Variants in TPRX1 observed in about 807,000 individuals in gnomAD.
TPRX1 encodes tetrapeptide repeat homeobox 1.
Under a neutral mutation model 8.1 loss-of-function variants are expected in TPRX1, and 2 were observed. The ratio of observed to expected loss-of-function variants is 0.25; its 90% CI spans 0.10 to 0.78. The LOEUF (loss-of-function observed/expected upper bound fraction) is 0.78, where lower values mean the gene tolerates loss of function less well. Ranked by LOEUF, TPRX1 falls within the 30% of genes least tolerant of loss-of-function variation. The probability of loss-of-function intolerance (pLI) is 0.70; values close to 1 mark genes in which losing one functional copy is unlikely to be tolerated. For missense variants in TPRX1, 517 were observed against 586.9 expected, an observed-to-expected ratio of 0.88 and a Z score of 1.23; for synonymous variants, 257 against 254.1, an observed-to-expected ratio of 1.01 and a Z score of -0.11.
In TPRX1 at chr19:47,818,493, G is replaced by A. The variant is rs556486050; in HGVS notation, c.126C>T (p.Tyr42=). The A allele has an allele frequency of 1.2e-4, 55 of 456,076 alleles. No homozygotes were observed. In the East Asian group the frequency reaches 2.6e-3, roughly 22 times the overall value. 28.3% of individuals were successfully genotyped at this position (456,076 alleles called of 1,614,324 possible). ...TGCTGTGTGTCTGGGACAGTCCTAG[G>A]TACTGGGAATACAGCTGAGAACAAG... Residue 42 remains tyrosine (Y), a synonymous_variant, in exon 2 of 4, where the codon TAC becomes TAT. Coordinates refer to ENST00000535759, the Ensembl canonical transcript of TPRX1.
At chr19:47,818,840 C>T (rs1373204878) in intron 1 of TPRX1, 1 of 298,732 alleles carries the variant, frequency 3.3e-6, no homozygotes, top group Non-Finnish European at 6.7e-6. Context: ...GTTTGCTGCA[C>T]CCATTAACTC....
chr19:47,815,015 C>G, intron 2 of TPRX1, among the ~76,000 whole-genome samples: 1 of 148,886 alleles, frequency 6.7e-6, no homozygotes, highest in Admixed American at 6.8e-5. Flanking sequence ...GCCAGGCTGG[C>G]CTTGAACTCC....
intron 2 of TPRX1, among the ~76,000 whole-genome samples, chr19:47,817,810 C>A (rs923117032): frequency 6.6e-6 from 1 of 152,178 alleles, no homozygotes; most frequent in Non-Finnish European, 1.5e-5. Flanking sequence ...AGGATTTAAA[C>A]CCAAACTCAT....
intron 2 of TPRX1, among the ~76,000 whole-genome samples, chr19:47,808,597 C>T (rs1361640626): frequency 7.2e-6 from 1 of 139,648 alleles, no homozygotes; most frequent in African/African-American, 2.5e-5. Context: ...CCACATCTGG[C>T]TAATTTTTAA....
Position 47,814,319 on chromosome 19 carries a change from T to A in TPRX1, c.151+4149A>T, listed in dbSNP as rs1174687175. Among the ~76,000 whole-genome samples, 3 of 152,190 alleles carry A rather than the reference T, an allele frequency of 2.0e-5. No individual in the cohort carries two copies. The East Asian group carries it at 5.8e-4, about 30-fold the overall frequency. On this transcript the variant is annotated intron_variant, in intron 2 of 3. Coordinates refer to ENST00000535759, the Ensembl canonical transcript of TPRX1. ...ATCTGTTCACCTCGACCTCCCAAAG[T>A]GTTGGGATTACAGGTGTGAGCCACA...
chr19:47,804,482 G>C (rs1967715672), intron 2 of TPRX1, among the ~76,000 whole-genome samples, 33 bp downstream of exon 1: 1 of 152,218 alleles, frequency 6.6e-6, no homozygotes, highest in South Asian at 2.1e-4. Flanking sequence ...CACAGGATCA[G>C]CCCAGACCCC....
At chr19:47,818,045 C>G (rs1291859843) in intron 2 of TPRX1, among the ~76,000 whole-genome samples, 3 of 152,192 alleles carry the variant, frequency 2.0e-5, no homozygotes, top group Non-Finnish European at 4.4e-5. Context: ...CAATATGATC[C>G]CTGAAGCATC....
At chr19:47,818,267 CCAT>C in intron 2 of TPRX1, among the ~76,000 whole-genome samples, 2 of 137,406 alleles carry the variant, frequency 1.5e-5, no homozygotes, top group Admixed American at 6.9e-5. Context: ...ATCCATCCAT[CCAT>C]CCATCCATCA....
At chr19:47,816,736 G>A (rs191247696) in intron 2 of TPRX1, among the ~76,000 whole-genome samples, 5 of 151,982 alleles carry the variant, frequency 3.3e-5, no homozygotes, top group East Asian at 3.9e-4. Context: ...GTTTCACCAT[G>A]TTAGCCAGGA....
rs1555799992 is a variant in TPRX1, at chr19:47,815,119, T to TATATATATATATATATGCAA, written c.151+3348_151+3349insTTGCATATATATATATATAT. ...TAGCTCAATAAATAGATAAATTATA[T>TATATATATATATATATGCAA]ATATATATATATATATATATATATG... On this transcript the variant is annotated intron_variant, in intron 2 of 3. Transcript: ENST00000535759. Among the ~76,000 whole-genome samples the TATATATATATATATATGCAA allele has an allele frequency of 1.9e-3, 148 of 78,016 alleles. 1 individual carries two copies. The highest frequency in any genetic ancestry group is 7.3e-3 in the African/African-American group (136 of 18,510). 51.2% of individuals were successfully genotyped at this position (78,016 alleles called of 152,430 possible). A position where few individuals can be genotyped will look rare whatever the true frequency, so the allele number is the denominator to read the frequency against.
At chr19:47,811,462 G>A (rs1161950829) in intron 2 of TPRX1, among the ~76,000 whole-genome samples, 3 of 151,672 alleles carry the variant, frequency 2.0e-5, no homozygotes, top group Non-Finnish European at 2.9e-5. Context: ...TGGGAGCAGG[G>A]GTTCCTTATT....
Position 47,803,472 on chromosome 19 carries a change from T to G in TPRX1, c.321+32A>C, listed in dbSNP as rs746888823. On this transcript the variant is annotated intron_variant, in intron 3 of 3. Transcript: ENST00000535759. ...CGGTGGGGAGGCTCCTTGGGGTGAC[T>G]GGGGCGGGCAGGGTGGGGGTGGGGG... 314 of 976,890 alleles carry G rather than the reference T, an allele frequency of 3.2e-4. 5 individuals are homozygous for G. In the African/African-American group the frequency reaches 8.8e-3, roughly 27 times the overall value. The allele number at this position is 976,890 out of a possible 1,614,324, so 60.5% of individuals were successfully genotyped here.
At chr19:47,806,723 G>A (rs556287226) in intron 2 of TPRX1, among the ~76,000 whole-genome samples, 5 of 152,214 alleles carry the variant, frequency 3.3e-5, no homozygotes, top group African/African-American at 1.2e-4. Context: ...TATACAAAGT[G>A]TCCAGAATAG....
intron 2 of TPRX1, among the ~76,000 whole-genome samples, chr19:47,803,884 G>T (rs1448443830): frequency 1.3e-5 from 2 of 151,964 alleles, no homozygotes; most frequent in African/African-American, 4.8e-5. Context: ...TCCTGGGAAG[G>T]CAGGCAGCGT....
chr19:47,811,726 T>C (rs1163050188), intron 2 of TPRX1, among the ~76,000 whole-genome samples: 1 of 151,822 alleles, frequency 6.6e-6, no homozygotes, highest in African/African-American at 2.4e-5. Context: ...CTCGAACTTC[T>C]GACCTCGTGA....
chr19:47,816,835 T>C (rs1470840865), intron 2 of TPRX1, among the ~76,000 whole-genome samples: 1 of 152,216 alleles, frequency 6.6e-6, no homozygotes. Context: ...CCCAGCCCAC[T>C]GTGAGCTTTT....
At chr19:47,817,275 G>C (rs143093760) in intron 2 of TPRX1, among the ~76,000 whole-genome samples, 1,869 of 152,290 alleles carry the variant, frequency 0.012, 41 homozygotes, top group Middle Eastern at 0.065. Context: ...AGATCTCAGG[G>C]AACAATAACT....
At chr19:47,804,488 A>G (rs1054004739) in intron 2 of TPRX1, among the ~76,000 whole-genome samples, 27 bp downstream of exon 1, 18 of 152,190 alleles carry the variant, frequency 1.2e-4, no homozygotes, top group African/African-American at 2.4e-4. Context: ...ATCAGCCCAG[A>G]CCCCTCACAC....
intron 2 of TPRX1, among the ~76,000 whole-genome samples, chr19:47,805,256 C>A: frequency 6.6e-6 from 1 of 152,144 alleles, no homozygotes; most frequent in East Asian, 1.9e-4. Context: ...CTGGTTTATT[C>A]CAGTTTATAT....
Sources: allele counts gnomAD v4.1 joint callset (sites outside exome capture counted in the v4.1 genomes callset), GRCh38; gene constraint gnomAD v4.1.1; transcripts MANE v1.5; gene names NCBI Gene and HGNC (gene_info 2026-07-23, HGNC 2026-07-21).